Variants in FBXL2 observed in about 807,000 individuals in gnomAD.
The protein encoded by FBXL2 is F-box and leucine rich repeat protein 2, also known as F-box/LRR-repeat protein 2.
In FBXL2, 38 loss-of-function variants were observed where a neutral mutation model predicts 69.2. The observed-to-expected ratio is 0.55, with a 90% CI of 0.42 to 0.72. The LOEUF is 0.72. Ranked by LOEUF, FBXL2 falls within the 30% of genes least tolerant of loss-of-function variation. FBXL2 has a pLI of 0.00. For missense variants in FBXL2, 354 were observed against 520.3 expected (o/e 0.68, Z 3.11); for synonymous variants, 192 against 201.3 (o/e 0.95, Z 0.39).
At chr3:33,323,872 G>A (rs1301899098) in intron 2 of FBXL2, among the ~76,000 whole-genome samples, 1 of 152,132 alleles carries the variant, frequency 6.6e-6, no homozygotes, top group African/African-American at 2.4e-5. Flanking sequence ...GGTCCTTGAG[G>A]AATCACCACA....
intron 2 of FBXL2, among the ~76,000 whole-genome samples, chr3:33,318,723 TA>T (rs763194056): frequency 8.1e-6 from 1 of 123,798 alleles, no homozygotes; most frequent in Non-Finnish European, 1.6e-5. Context: ...TCTAATTTTT[TA>T]AACATAACTG....
At chr3:33,416,685 T>A in the FBXL2 span, 1 of 1,206,716 alleles carries the variant, frequency 8.3e-7, no homozygotes, top group Non-Finnish European at 1.2e-6. Context: ...TGAAGTGAAA[T>A]TAATTTTTTT....
In FBXL2 at chr3:33,388,064, C is replaced by A. The variant is rs529889469; in HGVS notation, c.*2456C>A. ...CAGCCTGGGTGACAGAGCCAGACTC[C>A]GTCTCAAAAAAAAAAAAAAAAAAGA... On this transcript the variant is annotated 3_prime_UTR_variant, in exon 15 of 15. Coordinates refer to ENST00000484457, the MANE Select transcript of FBXL2 (RefSeq NM_012157.5). 1 of 116,232 alleles carries A rather than the reference C, an allele frequency of 8.6e-6. No homozygotes were observed. The highest frequency in any genetic ancestry group is 1.8e-5 in the Non-Finnish European group (1 of 55,066). 7.2% of individuals were successfully genotyped at this position (116,232 alleles called of 1,614,324 possible). A position where few individuals can be genotyped will look rare whatever the true frequency, so the allele number is the denominator to read the frequency against.
intron 2 of FBXL2, among the ~76,000 whole-genome samples, chr3:33,348,304 TG>T (rs2040592826): frequency 6.6e-6 from 1 of 152,142 alleles, no homozygotes; most frequent in Non-Finnish European, 1.5e-5. Context: ...GATATGTTCT[TG>T]GGAACTTTGA....
chr3:33,412,632 C>T, the FBXL2 span: 3 of 852,642 alleles, frequency 3.5e-6, no homozygotes, highest in East Asian at 2.5e-5. Flanking sequence ...ACTTTCCCCA[C>T]ACAAGTAATT....
intron 4 of FBXL2, chr3:33,364,355 GGCA>G (rs2041819879): frequency 4.5e-6 from 2 of 445,858 alleles, no homozygotes; most frequent in East Asian, 4.4e-5. Flanking sequence ...GCTTTCAAAA[GGCA>G]GTGTACAGGT....
At chr3:33,353,258 T>G (rs2040957867) in intron 2 of FBXL2, among the ~76,000 whole-genome samples, 1 of 152,190 alleles carries the variant, frequency 6.6e-6, no homozygotes, top group South Asian at 2.1e-4. Flanking sequence ...TATCATTTAG[T>G]CAAGCAGTCA....
chr3:33,305,141 A>G (rs758367771), intron 2 of FBXL2, among the ~76,000 whole-genome samples: 1 of 151,850 alleles, frequency 6.6e-6, no homozygotes, highest in Non-Finnish European at 1.5e-5. Flanking sequence ...AAATGTATCA[A>G]TCTTTTCTTT....
At chr3:33,381,383 G>A (rs1452041887) in intron 13 of FBXL2, among the ~76,000 whole-genome samples, 3 of 152,104 alleles carry the variant, frequency 2.0e-5, no homozygotes, top group South Asian at 2.1e-4. Flanking sequence ...GGTGGCTCAC[G>A]CCTGTAATCT....
chr3:33,387,967 G>T lies in FBXL2; in HGVS notation c.*2359G>T, dbSNP rs1372372176. On this transcript the variant is annotated 3_prime_UTR_variant, in exon 15 of 15. Transcript: ENST00000484457. ...TGCCTGTAGTCCCAGCTACTCAGGA[G>T]ACTGAGGCAGAAGAATGGCGTGAAC... is the stretch of plus-strand genomic sequence containing the variant. 2 of 150,832 alleles carry T rather than the reference G, an allele frequency of 1.3e-5. No individual in the cohort carries two copies. Among genetic ancestry groups the T allele is most frequent in the Non-Finnish European group, 2.9e-5 (2 of 67,896 alleles). 9.3% of individuals were successfully genotyped at this position (150,832 alleles called of 1,614,324 possible).
intron 2 of FBXL2, among the ~76,000 whole-genome samples, chr3:33,355,695 A>G (rs932720768): frequency 1.3e-5 from 2 of 152,220 alleles, no homozygotes; most frequent in African/African-American, 4.8e-5. Flanking sequence ...CCCTGTGATT[A>G]TTTATAACCA....
intron 1 of FBXL2, 32 bp downstream of exon 1, chr3:33,277,547 C>A: frequency 7.9e-7 from 1 of 1,271,262 alleles, no homozygotes; most frequent in Non-Finnish European, 1.0e-6. Context: ...GCCTAGCTGC[C>A]CCGCCCTACC....
At chr3:33,412,608 C>A in the FBXL2 span, 2 of 705,758 alleles carry the variant, frequency 2.8e-6, no homozygotes, top group Non-Finnish European at 2.4e-6. Flanking sequence ...GACACAAAAT[C>A]CACAAACACC....
chr3:33,280,274 C>G (rs941143164), intron 1 of FBXL2, among the ~76,000 whole-genome samples: 2 of 152,182 alleles, frequency 1.3e-5, no homozygotes, highest in Non-Finnish European at 2.9e-5. Context: ...AATTGGCATC[C>G]GCTTTTTGTG....
At chr3:33,277,566 G>A in intron 1 of FBXL2, 51 bp downstream of exon 1, 1 of 1,256,662 alleles carries the variant, frequency 8.0e-7, no homozygotes, top group Non-Finnish European at 1.0e-6. Flanking sequence ...CCCCTACCGG[G>A]CTGGGTCCGC....
At chr3:33,398,659 C>T (rs1366056680) in intron 12 of FBXL2, among the ~76,000 whole-genome samples, 1 of 152,160 alleles carries the variant, frequency 6.6e-6, no homozygotes, top group Non-Finnish European at 1.5e-5. Flanking sequence ...GAAGAAGCCC[C>T]CAGGATAAGG....
chr3:33,336,703 G>T (rs375898821), intron 2 of FBXL2, among the ~76,000 whole-genome samples: 1 of 151,198 alleles, frequency 6.6e-6, no homozygotes, highest in Non-Finnish European at 1.5e-5. Context: ...CCAAGAGATC[G>T]AGACCATCCT....
chr3:33,326,584 T>A (rs1206992779), intron 2 of FBXL2, among the ~76,000 whole-genome samples: 1 of 152,086 alleles, frequency 6.6e-6, no homozygotes. Flanking sequence ...ACTATTAAAC[T>A]AATACAGTGA....
chr3:33,298,489 T>C (rs1343538072), intron 2 of FBXL2, among the ~76,000 whole-genome samples: 4 of 152,072 alleles, frequency 2.6e-5, no homozygotes, highest in Admixed American at 2.6e-4. Context: ...CTGGCCAATG[T>C]GGTGAAACCC....
Sources: allele counts gnomAD v4.1 joint callset (sites outside exome capture counted in the v4.1 genomes callset), GRCh38; gene constraint gnomAD v4.1.1; transcripts MANE v1.5; gene names NCBI Gene and HGNC (gene_info 2026-07-23, HGNC 2026-07-21).